Variants in ZZZ3 observed in about 807,000 individuals in gnomAD.
ZZZ3 encodes ZZ-type zinc finger-containing protein 3.
In ZZZ3, 22 loss-of-function variants were observed where a neutral mutation model predicts 95.2. That is an observed-to-expected ratio of 0.23 (90% confidence interval 0.17 to 0.33). The LOEUF is 0.33. ZZZ3 is among the 10% of genes least tolerant of loss of function. The pLI, the probability that ZZZ3 is intolerant of heterozygous loss-of-function variation, is 1.00. For missense variants in ZZZ3, 885 were observed against 1,066.5 expected (o/e 0.83, Z 2.37); for synonymous variants, 335 against 358.9 (o/e 0.93, Z 0.75).
Position 77,604,088 on chromosome 1 carries a change from A to G in ZZZ3, c.1506-19433T>C, listed in dbSNP as rs112722689. ...GAGGCTGAAGTGGGAGGATCGCTTG[A>G]GCCCAGGATTCAAAGCTGCAGGCTG... is the stretch of plus-strand genomic sequence containing the variant. On this transcript the variant is annotated intron_variant, in intron 5 of 14. Coordinates refer to ENST00000370801, the MANE Select transcript of ZZZ3 (RefSeq NM_015534.6). Among the ~76,000 whole-genome samples, 73 of 152,328 alleles carry G rather than the reference A, an allele frequency of 4.8e-4. 1 individual carries two copies. The highest frequency in any genetic ancestry group is 3.4e-3 in the Middle Eastern group (1 of 294).
chr1:77,607,935 A>C (rs1242599794), intron 5 of ZZZ3, among the ~76,000 whole-genome samples: 1 of 151,660 alleles, frequency 6.6e-6, no homozygotes, highest in Non-Finnish European at 1.5e-5. Flanking sequence ...AAAAAAAAAA[A>C]AGGAAGGAGG....
intron 4 of ZZZ3, among the ~76,000 whole-genome samples, chr1:77,638,431 G>A (rs1033287915): frequency 2.6e-5 from 4 of 152,080 alleles, no homozygotes; most frequent in South Asian, 4.2e-4. Context: ...AGAACTGTAC[G>A]CATAAGAACT....
At chr1:77,618,582 G>A (rs947836235) in intron 5 of ZZZ3, among the ~76,000 whole-genome samples, 1 of 152,090 alleles carries the variant, frequency 6.6e-6, no homozygotes, top group African/African-American at 2.4e-5. Flanking sequence ...AATTTCATGA[G>A]GTCTGCCTCG....
chr1:77,666,495 T>G (rs1230213148), intron 1 of ZZZ3, among the ~76,000 whole-genome samples: 5 of 152,182 alleles, frequency 3.3e-5, no homozygotes. Flanking sequence ...ATCGTGCCAC[T>G]GCACTCCAGC....
intron 1 of ZZZ3, among the ~76,000 whole-genome samples, chr1:77,662,125 T>C (rs1385766095): frequency 1.3e-5 from 2 of 152,098 alleles, no homozygotes; most frequent in African/African-American, 2.4e-5. Flanking sequence ...GCGATTCTTA[T>C]GCCTCAGCCT....
At chr1:77,616,255 A>G (rs1396984850) in intron 5 of ZZZ3, among the ~76,000 whole-genome samples, 4 of 152,218 alleles carry the variant, frequency 2.6e-5, no homozygotes, top group Non-Finnish European at 4.4e-5. Context: ...TCTAATGCCC[A>G]AGAACACTCT....
chr1:77,645,118 G>T (rs1429972256), intron 1 of ZZZ3, among the ~76,000 whole-genome samples: 1 of 151,942 alleles, frequency 6.6e-6, no homozygotes, highest in Non-Finnish European at 1.5e-5. Context: ...ACCTGTTGTA[G>T]TCCTAGCTAC....
chr1:77,631,823 A>G, intron 5 of ZZZ3, 27 bp downstream of exon 5: 1 of 1,498,308 alleles, frequency 6.7e-7, no homozygotes, highest in Non-Finnish European at 9.0e-7. Flanking sequence ...ACAAAGCAGA[A>G]TTCATGGTTA....
intron 12 of ZZZ3, among the ~76,000 whole-genome samples, chr1:77,570,555 C>T (rs1010725493): frequency 9.9e-5 from 15 of 152,134 alleles, no homozygotes; most frequent in Non-Finnish European, 1.2e-4. Flanking sequence ...TGACTATCTA[C>T]AGCATCAAGT....
intron 5 of ZZZ3, among the ~76,000 whole-genome samples, chr1:77,596,630 T>C (rs767161142): frequency 6.6e-6 from 1 of 152,090 alleles, no homozygotes; most frequent in African/African-American, 2.4e-5. Flanking sequence ...ACCTATGTAA[T>C]TGGAAATGAG....
intron 12 of ZZZ3, among the ~76,000 whole-genome samples, chr1:77,571,565 T>C (rs1661385306): frequency 6.6e-6 from 1 of 152,092 alleles, no homozygotes; most frequent in South Asian, 2.1e-4. Context: ...ATAAACAAAA[T>C]GTGGCATACA....
At chr1:77,595,869 G>A (rs1033417703) in intron 5 of ZZZ3, among the ~76,000 whole-genome samples, 1 of 151,998 alleles carries the variant, frequency 6.6e-6, no homozygotes, top group East Asian at 1.9e-4. Context: ...AAAACTTAAA[G>A]AAGAGGGTAT....
chr1:77,624,813 G>A (rs940289551), intron 5 of ZZZ3, among the ~76,000 whole-genome samples: 1 of 152,206 alleles, frequency 6.6e-6, no homozygotes, highest in African/African-American at 2.4e-5. Flanking sequence ...CCTACCATTT[G>A]TGATTGGCTT....
At chr1:77,661,377 C>T (rs1670771998) in intron 1 of ZZZ3, among the ~76,000 whole-genome samples, 1 of 152,174 alleles carries the variant, frequency 6.6e-6, no homozygotes, top group South Asian at 2.1e-4. Flanking sequence ...CACGCCATTA[C>T]ACTCCAGCCT....
chr1:77,659,640 G>A (rs1051676547), intron 1 of ZZZ3, among the ~76,000 whole-genome samples: 1 of 145,976 alleles, frequency 6.9e-6, no homozygotes, highest in Non-Finnish European at 1.5e-5. Flanking sequence ...CCGAGATCAC[G>A]CCACGGCACT....
At chr1:77,658,515 CTT>C (rs111821277) in intron 1 of ZZZ3, among the ~76,000 whole-genome samples, 26 of 131,790 alleles carry the variant, frequency 2.0e-4, no homozygotes, top group African/African-American at 4.2e-4. Context: ...CACATCCTGG[CTT>C]TTTTTTTTTT....
intron 5 of ZZZ3, among the ~76,000 whole-genome samples, chr1:77,588,841 C>T (rs1663368443): frequency 6.6e-6 from 1 of 152,142 alleles, no homozygotes; most frequent in Non-Finnish European, 1.5e-5. Flanking sequence ...TTACACAATG[C>T]TAACAACAGT....
intron 11 of ZZZ3, among the ~76,000 whole-genome samples, chr1:77,577,854 C>T (rs1322157081): frequency 1.3e-5 from 2 of 152,106 alleles, no homozygotes; most frequent in Non-Finnish European, 2.9e-5. Context: ...CTCCTGACCT[C>T]GTGATCCACC....
intron 1 of ZZZ3, among the ~76,000 whole-genome samples, chr1:77,681,866 T>C (rs1570695344): frequency 8.0e-6 from 1 of 124,738 alleles, no homozygotes; most frequent in African/African-American, 3.2e-5. Context: ...CCCACTACAC[T>C]CCAGCCTAGG....
Sources: gnomAD v4.1 joint callset for allele counts (sites outside exome capture counted in the v4.1 genomes callset) on GRCh38, gnomAD v4.1.1 for gene constraint, MANE v1.5 for transcripts, NCBI Gene and HGNC (gene_info 2026-07-23, HGNC 2026-07-21) for gene names.